Variants in OR4K14 observed in about 807,000 individuals in gnomAD.
The protein encoded by OR4K14 is olfactory receptor family 4 subfamily K member 14, also known as olfactory receptor 4K14.
For synonymous variants in OR4K14, 153 were observed against 141.5 expected, an observed-to-expected ratio of 1.08 and a Z score of -0.58; for missense variants, 406 against 373.6, an observed-to-expected ratio of 1.09 and a Z score of -0.72.
rs751047679 is a variant in OR4K14, at chr14:20,014,963, A to C, written c.231T>G (p.Phe77Leu). 3 of 1,614,150 alleles carry C rather than the reference A, an allele frequency of 1.9e-6. No homozygotes were observed. The Admixed American group carries it at 5.0e-5, about 27-fold the overall frequency. ...LAFLDMWLAS[F>L]ATPKMIRDFL... ...AATCCCTGATCATCTTGGGAGTGGC[A>C]AATGAGGCCAGCCACATGTCCAGGA... is the stretch of plus-strand genomic sequence containing the variant. Residue 77 changes from phenylalanine to leucine, a missense_variant, in exon 2 of 2, where the codon TTT (phenylalanine) becomes TTG (leucine). Physicochemically the swap from Phe to Leu is conservative, Grantham distance 22 (BLOSUM62 0). Coordinates refer to ENST00000641793, the MANE Select transcript of OR4K14 (RefSeq NM_001004712.2).
At chr14:20,017,782 A>G (rs1368567779) in intron 1 of OR4K14, among the ~76,000 whole-genome samples, 3 of 152,192 alleles carry the variant, frequency 2.0e-5, no homozygotes, top group Non-Finnish European at 4.4e-5. Flanking sequence ...AACAAAGACC[A>G]GAGCATAAAA....
At chr14:20,017,145 T>C (rs1214556834) in intron 1 of OR4K14, among the ~76,000 whole-genome samples, 4 of 151,998 alleles carry the variant, frequency 2.6e-5, no homozygotes, top group African/African-American at 9.7e-5. Flanking sequence ...AAATCATCTA[T>C]TTAAAATATT....
rs141518573 is a variant in OR4K14 at position 20,015,132 on chromosome 14, C to T, written c.62G>A (p.Arg21Gln). 247 of 1,613,740 alleles carry T rather than the reference C, an allele frequency of 1.5e-4. No individual in the cohort carries two copies. The African/African-American group carries it at 1.7e-3, about 11-fold the overall frequency. Residue 21 changes from arginine (R) to glutamine (Q), a missense_variant, in exon 2 of 2, where the codon CGA becomes CAA. Transcript: ENST00000641793. ...EFVLHGLCTSRHLQNFFFIFF... is the reference protein window; with the variant it reads ...EFVLHGLCTSQHLQNFFFIFF... Reference sequence around the variant, plus strand: ...TATAAAGAAAAAATTTTGAAGATGTCGTGAAGTGCAGAGTCCATGCAACAC... The same window carrying T: ...TATAAAGAAAAAATTTTGAAGATGTTGTGAAGTGCAGAGTCCATGCAACAC...
Position 20,014,775 on chromosome 14 carries a change from T to C in OR4K14, c.419A>G (p.Gln140Arg). 6.2e-7 allele frequency: 1 copy of C among 1,614,138 alleles called. No individual in the cohort carries two copies. Among genetic ancestry groups the C allele is most frequent in the Non-Finnish European group, 8.5e-7 (1 of 1,180,014 alleles). Residue 140 changes from glutamine (Q) to arginine (R), a missense_variant, in exon 2 of 2, where the codon CAG becomes CGG. Transcript: ENST00000641793. Reference protein sequence around the residue: ...PLHYMTLMSWQTCIRLVLASW... With the variant: ...PLHYMTLMSWRTCIRLVLASW... ...AGCCAGCACCAGCCTGATGCAAGTC[T>C]GCCAACTCATCAAAGTCATGTAATG...
At position 20,014,329 on chromosome 14, in the gene OR4K14, T is replaced by C; in HGVS notation, c.865A>G (p.Thr289Ala). The change falls in exon 2 of 2, where the codon ACA becomes GCA. Residue 289 changes from threonine to alanine, a missense_variant. Coordinates refer to ENST00000641793, the MANE Select transcript of OR4K14 (RefSeq NM_001004712.2). ...GCTTTCATCTCCTCATTTCTCAATG[T>C]GTAGATAATGGGGTTCAGGAGTGGA... ...FTPLLNPIIY[T>A]LRNEEMKAAM... 1 of 1,613,222 alleles carries C rather than the reference T, an allele frequency of 6.2e-7. No individual in the cohort carries two copies. The highest frequency in any genetic ancestry group is 8.5e-7 in the Non-Finnish European group (1 of 1,179,566).
In OR4K14 at chr14:20,015,120, T is replaced by A. The variant is rs779102209; in HGVS notation, c.74A>T (p.Asn25Ile). The change falls in exon 2 of 2, where the codon AAT (asparagine) becomes ATT (isoleucine). Residue 25 changes from asparagine to isoleucine, a missense_variant. Transcript: ENST00000641793. Reference protein sequence around the residue: ...HGLCTSRHLQNFFFIFFFGVY... With the variant: ...HGLCTSRHLQIFFFIFFFGVY... ...CCCAAAGAAAAATATAAAGAAAAAA[T>A]TTTGAAGATGTCGTGAAGTGCAGAG... is the stretch of plus-strand genomic sequence containing the variant. 1.9e-6 allele frequency: 3 copies of A among 1,613,520 alleles called. No individual in the cohort carries two copies. Among genetic ancestry groups the A allele is most frequent in the Admixed American group, 3.3e-5 (2 of 59,972 alleles).
chr14:20,015,303 G>A, intron 1 of OR4K14, 81 bp from the exon 2 acceptor site: 2 of 641,166 alleles, frequency 3.1e-6, no homozygotes, highest in Non-Finnish European at 2.6e-6. Flanking sequence ...GGCACAGAAA[G>A]ACAAATATCA....
chr14:20,015,065 A>C lies in OR4K14; in HGVS notation c.129T>G (p.Leu43=). 6.2e-7 allele frequency: 1 copy of C among 1,614,010 alleles called. No homozygotes were observed. Among genetic ancestry groups the C allele is most frequent in the Non-Finnish European group, 8.5e-7 (1 of 1,179,926 alleles). ...GVYVAIMLGN[L]LILVTVISDP... is the part of the protein sequence containing the mutation. ...CAGAAATTACAGTGACCAAAATGAG[A>C]AGGTTACCCAGCATAATGGCCACAT... is the stretch of plus-strand genomic sequence containing the variant. The change falls in exon 2 of 2, where the codon CTT becomes CTG. Residue 43 remains leucine (L), a synonymous_variant. Coordinates refer to ENST00000641793, the MANE Select transcript of OR4K14 (RefSeq NM_001004712.2).
Position 20,015,079 on chromosome 14 carries a change from T to C in OR4K14, c.115A>G (p.Met39Val). 3.7e-6 allele frequency: 6 copies of C among 1,613,852 alleles called. No individual in the cohort carries two copies. The highest frequency in any genetic ancestry group is 5.1e-6 in the Non-Finnish European group (6 of 1,179,830). ...ACCAAAATGAGAAGGTTACCCAGCA[T>C]AATGGCCACATAGACCCCAAAGAAA... ...IFFFGVYVAIMLGNLLILVTV... is the reference protein window; with the variant it reads ...IFFFGVYVAIVLGNLLILVTV... The change falls in exon 2 of 2, where the codon ATG becomes GTG. Residue 39 changes from methionine to valine, a missense_variant. By Grantham distance (21) the Met-to-Val change is conservative. Coordinates refer to ENST00000641793, the MANE Select transcript of OR4K14 (RefSeq NM_001004712.2).
intron 1 of OR4K14, among the ~76,000 whole-genome samples, chr14:20,018,485 C>G (rs1877143395): frequency 1.3e-5 from 2 of 151,994 alleles, no homozygotes; most frequent in Admixed American, 6.6e-5. Context: ...CTCTGACACC[C>G]ATTCTAGCAC....
chr14:20,018,474 C>T (rs1877143232), intron 1 of OR4K14, among the ~76,000 whole-genome samples: 1 of 152,028 alleles, frequency 6.6e-6, no homozygotes, highest in African/African-American at 2.4e-5. Flanking sequence ...TAGTCAGATT[C>T]CTCTGACACC....
rs1468835191 is a variant in OR4K14 at position 20,014,456 on chromosome 14, C to T, written c.738G>A (p.Met246Ile). The T allele has an allele frequency of 6.2e-7, 1 of 1,613,954 alleles. No individual in the cohort carries two copies. Among genetic ancestry groups the T allele is most frequent in the Non-Finnish European group, 8.5e-7 (1 of 1,179,974 alleles). ...AAGGGCCAAAGAACAGCGTCACTAC[C>T]ATGATATGTGCAGAGCAAGTGGAGA... is the stretch of plus-strand genomic sequence containing the variant. The part of the protein sequence containing the change: ...KALSTCSAHI[M>I]VVTLFFGPCI... The change falls in exon 2 of 2, where the codon ATG becomes ATA. Residue 246 changes from methionine (M) to isoleucine (I), a missense_variant. Met to Ile is a conservative substitution (Grantham distance 10). Coordinates refer to ENST00000641793, the MANE Select transcript of OR4K14 (RefSeq NM_001004712.2).
intron 1 of OR4K14, among the ~76,000 whole-genome samples, chr14:20,017,399 A>G (rs569852113): frequency 1.3e-5 from 2 of 152,102 alleles, no homozygotes; most frequent in East Asian, 3.9e-4. Flanking sequence ...TAAATCACTT[A>G]ACCTAGGTTT....
chr14:20,015,133 G>C lies in OR4K14; in HGVS notation c.61C>G (p.Arg21Gly), dbSNP rs772115352. The C allele has an allele frequency of 5.6e-6, 9 of 1,613,768 alleles. 1 individual carries two copies. The Middle Eastern group carries it at 4.9e-4, about 89-fold the overall frequency. The change falls in exon 2 of 2, where the codon CGA becomes GGA. Residue 21 changes from arginine (R) to glycine (G), a missense_variant. By Grantham distance (125) the Arg-to-Gly change is moderately radical (BLOSUM62 -2). Coordinates refer to ENST00000641793, the MANE Select transcript of OR4K14 (RefSeq NM_001004712.2). ...EFVLHGLCTS[R>G]HLQNFFFIFF... ...ATAAAGAAAAAATTTTGAAGATGTC[G>C]TGAAGTGCAGAGTCCATGCAACACA...
In OR4K14 at chr14:20,014,410, G is replaced by T. The variant is rs756231830; in HGVS notation, c.784C>A (p.Pro262Thr). 21 of 1,613,910 alleles carry T rather than the reference G, an allele frequency of 1.3e-5. No individual in the cohort carries two copies. Among genetic ancestry groups the T allele is most frequent in the Non-Finnish European group, 1.7e-5 (20 of 1,179,998 alleles). Residue 262 changes from proline (P) to threonine (T), a missense_variant, in exon 2 of 2, where the codon CCT becomes ACT. By Grantham distance (38) the Pro-to-Thr change is conservative (BLOSUM62 -1). Coordinates refer to ENST00000641793, the MANE Select transcript of OR4K14 (RefSeq NM_001004712.2). ...TTGTCCACAGAGAACCTACTGAAAG[G>T]CCGCACATAAACAAAAATGCAAGGG... is the stretch of plus-strand genomic sequence containing the variant. The part of the protein sequence containing the change: ...FGPCIFVYVR[P>T]FSRFSVDKLL...
intron 1 of OR4K14, among the ~76,000 whole-genome samples, chr14:20,015,854 G>C (rs2138661388): frequency 6.6e-6 from 1 of 152,064 alleles, no homozygotes; most frequent in Admixed American, 6.6e-5. Flanking sequence ...CTGAGGGGCA[G>C]TTAGACATTC....
At chr14:20,017,448 C>G (rs914869073) in intron 1 of OR4K14, among the ~76,000 whole-genome samples, 1 of 151,798 alleles carries the variant, frequency 6.6e-6, no homozygotes, top group Non-Finnish European at 1.5e-5. Context: ...TATTTTTGCT[C>G]TTATCATTTT....
At chr14:20,015,714 C>T (rs17210983) in intron 1 of OR4K14, among the ~76,000 whole-genome samples, 22,005 of 151,988 alleles carry the variant, frequency 0.14, 1,697 homozygotes, top group South Asian at 0.22. Context: ...CTGTCAACTG[C>T]CTGGCACATG....
At position 20,014,817 on chromosome 14, in the gene OR4K14, G is replaced by T. The variant is rs752989012; in HGVS notation, c.377C>A (p.Ala126Asp). The T allele has an allele frequency of 5.0e-6, 8 of 1,614,042 alleles. No homozygotes were observed. Among genetic ancestry groups the T allele is most frequent in the Admixed American group, 3.3e-5 (2 of 60,012 alleles). The change falls in exon 2 of 2, where the codon GCC becomes GAC. Residue 126 changes from alanine (A) to aspartate (D), a missense_variant. Coordinates refer to ENST00000641793, the MANE Select transcript of OR4K14 (RefSeq NM_001004712.2). Reference protein sequence around the residue: ...LVSMAYDRYVAICKPLHYMTL... With the variant: ...LVSMAYDRYVDICKPLHYMTL... The stretch of plus-strand genomic sequence containing the variant: ...CATGTAATGCAAGGGTTTGCATATG[G>T]CCACATATCTGTCATAGGCCATGGA...
Sources: gnomAD v4.1 joint callset for allele counts (sites outside exome capture counted in the v4.1 genomes callset) on GRCh38, gnomAD v4.1.1 for gene constraint, MANE v1.5 for transcripts, NCBI Gene and HGNC (gene_info 2026-07-23, HGNC 2026-07-21) for gene names.